Variants in SCCPDH observed in about 807,000 individuals in gnomAD.
The protein encoded by SCCPDH is saccharopine dehydrogenase-like oxidoreductase.
SCCPDH carries 34 observed loss-of-function variants against 51.5 expected under a neutral mutation model. The observed-to-expected ratio is 0.66, with a 90% CI of 0.50 to 0.88. The LOEUF is 0.88. Among genes scored for constraint, SCCPDH ranks in the 40% least tolerant of loss-of-function variants. SCCPDH has a pLI of 0.00. For synonymous variants in SCCPDH, 187 were observed against 191.3 expected, an observed-to-expected ratio of 0.98 and a Z score of 0.19; for missense variants, 464 against 527.1, an observed-to-expected ratio of 0.88 and a Z score of 1.17.
chr1:246,737,464 A>G (rs1428089268), intron 3 of SCCPDH, among the ~76,000 whole-genome samples: 1 of 152,166 alleles, frequency 6.6e-6, no homozygotes, highest in East Asian at 1.9e-4. Flanking sequence ...CCTGGGCAAC[A>G]TAGTGAGACC....
intron 9 of SCCPDH, among the ~76,000 whole-genome samples, chr1:246,763,010 T>A (rs1669042340): frequency 6.6e-6 from 1 of 152,088 alleles, no homozygotes; most frequent in Non-Finnish European, 1.5e-5. Context: ...CCAGAGACTC[T>A]GGTTCGGTTG....
At chr1:246,734,991 G>C (rs1325228348) in intron 2 of SCCPDH, among the ~76,000 whole-genome samples, 1 of 152,124 alleles carries the variant, frequency 6.6e-6, no homozygotes, top group Non-Finnish European at 1.5e-5. Context: ...CTTCCTGTTG[G>C]TTTGTTTTTA....
chr1:246,726,926 C>T lies in SCCPDH; in HGVS notation c.225C>T (p.Ile75=). 6.2e-7 allele frequency: 1 copy of T among 1,614,034 alleles called. No homozygotes were observed. The highest frequency in any genetic ancestry group is 8.5e-7 in the Non-Finnish European group (1 of 1,179,906). Residue 75 remains isoleucine (I), a synonymous_variant, in exon 2 of 12, where the codon ATC becomes ATT. Transcript: ENST00000366510. ...RPTLSSEVGI[I]ICDIANPASL... ...CACTGTCATCTGAAGTTGGAATCAT[C>T]ATCTGTGATATTGCTAATCCAGCCT... is the stretch of plus-strand genomic sequence containing the variant.
chr1:246,731,479 G>C (rs1397449821), intron 2 of SCCPDH, among the ~76,000 whole-genome samples: 1 of 152,222 alleles, frequency 6.6e-6, no homozygotes, highest in Non-Finnish European at 1.5e-5. Context: ...GTGAGCCTGT[G>C]GCTGTAAGGC....
intron 9 of SCCPDH, among the ~76,000 whole-genome samples, chr1:246,762,050 ATC>A (rs1558175001): frequency 6.6e-6 from 1 of 152,090 alleles, no homozygotes; most frequent in Non-Finnish European, 1.5e-5. Context: ...CCAAACCGAC[ATC>A]TGTTATTTTC....
chr1:246,729,819 T>G (rs1427036922), intron 2 of SCCPDH, among the ~76,000 whole-genome samples: 1 of 151,638 alleles, frequency 6.6e-6, no homozygotes, highest in Non-Finnish European at 1.5e-5. Context: ...TAAAGACAGG[T>G]GTAAGAAATT....
chr1:246,756,706 A>G (rs1466661108), intron 5 of SCCPDH, among the ~76,000 whole-genome samples: 1 of 149,560 alleles, frequency 6.7e-6, no homozygotes, highest in Admixed American at 6.7e-5. Context: ...TTAATAAAAC[A>G]GAAGAAATAA....
intron 5 of SCCPDH, among the ~76,000 whole-genome samples, chr1:246,746,107 CAAAAAAAAAAAAAAAA>C (rs756929255): frequency 1.3e-5 from 1 of 79,586 alleles, no homozygotes; most frequent in African/African-American, 7.1e-5. Context: ...GACTCCATCT[CAAAAAAAAAAAAAAAA>C]AAAAAAAAAG....
chr1:246,732,469 C>T (rs1668506376), intron 2 of SCCPDH, among the ~76,000 whole-genome samples: 1 of 151,932 alleles, frequency 6.6e-6, no homozygotes, highest in Non-Finnish European at 1.5e-5. Flanking sequence ...CTCACTGCAA[C>T]CTCCACCTCC....
At position 246,724,619 on chromosome 1, in the gene SCCPDH, C is replaced by T. The variant is rs1184917913; in HGVS notation, c.190+7C>T. ...AAGGCGGCCCTGAAGCTGGGTACAG[C>T]GGCGGGGCGGGACGGGGCTGCGCGG... On this transcript the variant is annotated splice_region_variant and intron_variant, in intron 1 of 11. Coordinates refer to ENST00000366510, the MANE Select transcript of SCCPDH (RefSeq NM_016002.3). 4.7e-6 allele frequency: 7 copies of T among 1,477,948 alleles called. No homozygotes were observed. In the Admixed American group the frequency reaches 1.8e-4, roughly 39 times the overall value. The allele number at this position is 1,477,948 out of a possible 1,614,324, so 91.6% of individuals were successfully genotyped here. A position where few individuals can be genotyped will look rare whatever the true frequency, so the allele number is the denominator to read the frequency against.
intron 5 of SCCPDH, among the ~76,000 whole-genome samples, chr1:246,752,026 C>T (rs374500222): frequency 4.0e-5 from 6 of 151,368 alleles, no homozygotes; most frequent in Admixed American, 2.0e-4. Flanking sequence ...ATGCTTCACC[C>T]GCCTCGGCCT....
intron 4 of SCCPDH, among the ~76,000 whole-genome samples, chr1:246,742,189 A>G (rs957761121): frequency 2.6e-5 from 4 of 152,242 alleles, no homozygotes; most frequent in African/African-American, 9.6e-5. Flanking sequence ...TTGAACATCT[A>G]CAAAATATTC....
chr1:246,753,417 A>G (rs1335776311), intron 5 of SCCPDH, among the ~76,000 whole-genome samples: 2 of 152,202 alleles, frequency 1.3e-5, no homozygotes, highest in African/African-American at 4.8e-5. Flanking sequence ...CCTGCCCAAG[A>G]GGATCCTCGA....
chr1:246,735,646 C>T lies in SCCPDH; in HGVS notation c.304-329C>T, dbSNP rs143153962. Among the ~76,000 whole-genome samples, 137 of 152,340 alleles carry T rather than the reference C, an allele frequency of 9.0e-4. 2 individuals are homozygous for T. Among genetic ancestry groups the T allele is most frequent in the African/African-American group, 3.2e-3 (132 of 41,578 alleles). ...TTCCAGGTTCAAACCATTCTCCTGC[C>T]TCAGCCTCCCGAGTAGCTGGGATTA... On this transcript the variant is annotated intron_variant, in intron 2 of 11. Transcript: ENST00000366510.
At chr1:246,761,015 T>C (rs6426332) in intron 9 of SCCPDH, among the ~76,000 whole-genome samples, 69,225 of 151,932 alleles carry the variant, frequency 0.46, 15,928 homozygotes, top group Admixed American at 0.5. Context: ...AAATTCCTAC[T>C]CTCAGACCTA....
chr1:246,766,787 C>A (rs1344195189), intron 11 of SCCPDH, among the ~76,000 whole-genome samples: 1 of 152,156 alleles, frequency 6.6e-6, no homozygotes, highest in Non-Finnish European at 1.5e-5. Flanking sequence ...TTAAAAACTT[C>A]TTTTTCATCC....
chr1:246,747,297 G>C (rs1410244554), intron 5 of SCCPDH, among the ~76,000 whole-genome samples: 1 of 152,234 alleles, frequency 6.6e-6, no homozygotes, highest in African/African-American at 2.4e-5. Flanking sequence ...TCAAACAATA[G>C]AGAAGATTAG....
chr1:246,733,534 G>T (rs566679420), intron 2 of SCCPDH, among the ~76,000 whole-genome samples: 239 of 150,252 alleles, frequency 1.6e-3, no homozygotes, highest in African/African-American at 5.7e-3. Flanking sequence ...AGAGAAATGG[G>T]GTCTCAAAGC....
At chr1:246,764,445 G>A in intron 10 of SCCPDH, 88 bp downstream of exon 10, 2 of 626,190 alleles carry the variant, frequency 3.2e-6, no homozygotes, top group Non-Finnish European at 5.4e-6. Context: ...TCTTTTTAAA[G>A]CTTAATTGTT....
Sources: allele counts gnomAD v4.1 joint callset (sites outside exome capture counted in the v4.1 genomes callset), GRCh38; gene constraint gnomAD v4.1.1; transcripts MANE v1.5; gene names NCBI Gene and HGNC (gene_info 2026-07-23, HGNC 2026-07-21).